EIF3H: variants seen among roughly 807,000 people sequenced by gnomAD.
The protein encoded by EIF3H is eukaryotic translation initiation factor 3 subunit H.
A neutral mutation model predicts 44.2 loss-of-function variants in EIF3H; 26 were observed. The ratio of observed to expected loss-of-function variants is 0.59; its 90% confidence interval spans 0.43 to 0.82. The LOEUF (loss-of-function observed/expected upper bound fraction) is 0.82. Ranked by LOEUF, EIF3H falls within the 40% of genes least tolerant of loss-of-function variation. The pLI, the probability that EIF3H is intolerant of heterozygous loss-of-function variation, is 0.00. For missense variants in EIF3H, 359 were observed against 432.8 expected, an observed-to-expected ratio of 0.83 and a Z score of 1.51; for synonymous variants, 166 against 151.9, an observed-to-expected ratio of 1.09 and a Z score of -0.68.
At position 116,643,007 on chromosome 8, in the gene EIF3H, C is replaced by T. The variant is rs1813246834; in HGVS notation, c.*1999G>A. 6.6e-6 allele frequency: 1 copy of T among 152,142 alleles called. No individual in the cohort carries two copies. The highest frequency in any genetic ancestry group is 2.4e-5 in the African/African-American group (1 of 41,412). The allele number at this position is 152,142 out of a possible 1,614,324, so 9.4% of individuals were successfully genotyped here. On this transcript the variant is annotated 3_prime_UTR_variant, in exon 8 of 8. Coordinates refer to ENST00000521861, the MANE Select transcript of EIF3H (RefSeq NM_003756.3). ...TGACTCAGTTAAATTACTCTTAATC[C>T]TAAAAAATACATAAGTTATGTTCCA...
In EIF3H at chr8:116,653,348, A is replaced by AACACACAC. The variant is rs771922316; in HGVS notation, c.707+2500_707+2507dup. ...GCTCTTCAGAAAAAAAACAATCAGAAACACACACACACACACACACACAAT... is the reference window on the plus strand; with the variant it reads ...GCTCTTCAGAAAAAAAACAATCAGAAACACACACACACACACACACACACACACACAAT... On this transcript the variant is annotated intron_variant, in intron 5 of 7. Transcript: ENST00000521861. 4.4e-3 allele frequency among the ~76,000 whole-genome samples: 635 copies of AACACACAC among 144,648 alleles called. 2 individuals are homozygous for AACACACAC. The highest frequency in any genetic ancestry group is 0.011 in the African/African-American group (422 of 38,024). 94.9% of individuals were successfully genotyped at this position (144,648 alleles called of 152,430 possible).
chr8:116,655,149 T>A (rs1813468375), intron 5 of EIF3H, among the ~76,000 whole-genome samples: 1 of 151,918 alleles, frequency 6.6e-6, no homozygotes, highest in Non-Finnish European at 1.5e-5. Flanking sequence ...GAGCTATACA[T>A]GTGGCTCTAT....
At chr8:116,722,624 C>A (rs1315019973) in intron 2 of EIF3H, among the ~76,000 whole-genome samples, 1 of 152,132 alleles carries the variant, frequency 6.6e-6, no homozygotes, top group Non-Finnish European at 1.5e-5. Flanking sequence ...CAAATAGCAG[C>A]ATGTAGTGCT....
At chr8:116,677,209 C>A (rs1209395612) in intron 2 of EIF3H, among the ~76,000 whole-genome samples, 1 of 152,118 alleles carries the variant, frequency 6.6e-6, no homozygotes. Flanking sequence ...GAAAAATACT[C>A]TGTGCAAAAA....
At chr8:116,676,094 T>C (rs1310226100) in intron 2 of EIF3H, among the ~76,000 whole-genome samples, 2 of 152,220 alleles carry the variant, frequency 1.3e-5, no homozygotes, top group African/African-American at 2.4e-5. Context: ...CCCCAGAACA[T>C]GCAGGAACCT....
At chr8:116,743,694 G>C (rs1002030658) in intron 1 of EIF3H, among the ~76,000 whole-genome samples, 1 of 150,220 alleles carries the variant, frequency 6.7e-6, no homozygotes, top group Non-Finnish European at 1.5e-5. Context: ...AGAGGTGGAG[G>C]CTGCAGCGAG....
intron 1 of EIF3H, among the ~76,000 whole-genome samples, chr8:116,764,513 G>C (rs1815548546): frequency 6.6e-6 from 1 of 152,162 alleles, no homozygotes; most frequent in South Asian, 2.1e-4. Flanking sequence ...GATTTGGGGA[G>C]ATTGTAATAA....
chr8:116,738,799 C>T (rs1265658736), intron 1 of EIF3H, among the ~76,000 whole-genome samples: 1 of 152,224 alleles, frequency 6.6e-6, no homozygotes, highest in Non-Finnish European at 1.5e-5. Flanking sequence ...AGGTTACAAC[C>T]TGTTCATCTT....
rs774059962 is a variant in EIF3H, at chr8:116,739,523, G to A, written c.133-13351C>T. Among the ~76,000 whole-genome samples, 16 of 152,320 alleles carry A rather than the reference G, an allele frequency of 1.1e-4. No homozygotes were observed. The East Asian group carries it at 2.9e-3, about 28-fold the overall frequency. On this transcript the variant is annotated intron_variant, in intron 1 of 7. Coordinates refer to ENST00000521861, the MANE Select transcript of EIF3H (RefSeq NM_003756.3). ...AAATTAGCCGGGCGTGGTGATGGGC[G>A]CCTGCAGTCCCAGCTACTCGGGAGG...
chr8:116,705,418 A>G (rs1814451669), intron 2 of EIF3H, among the ~76,000 whole-genome samples: 1 of 151,970 alleles, frequency 6.6e-6, no homozygotes, highest in Non-Finnish European at 1.5e-5. Context: ...TAACTCAGAA[A>G]GACATTAGAC....
intron 5 of EIF3H, 89 bp from the exon 6 acceptor site, chr8:116,649,015 C>T: frequency 8.6e-7 from 1 of 1,168,144 alleles, no homozygotes; most frequent in Non-Finnish European, 1.2e-6. Context: ...TGAACTTGAA[C>T]TGGCTTTTGC....
At chr8:116,663,706 G>A (rs1586439066) in intron 2 of EIF3H, among the ~76,000 whole-genome samples, 2 of 152,224 alleles carry the variant, frequency 1.3e-5, no homozygotes, top group African/African-American at 2.4e-5. Flanking sequence ...TGAGGCAGGT[G>A]GATCACTTGA....
rs1563663005 is a variant in EIF3H, at chr8:116,752,723, AG to A, written c.132+2942del. On this transcript the variant is annotated intron_variant, in intron 1 of 7. Coordinates refer to ENST00000521861, the MANE Select transcript of EIF3H (RefSeq NM_003756.3). Reference sequence around the variant, plus strand: ...AAGAAAGAAAGAAAGAAAGAAAGAAAGAAAGAAAGAAGAGAAAGAAAGAAAG... The same window carrying A: ...AAGAAAGAAAGAAAGAAAGAAAGAAAAAAGAAAGAAGAGAAAGAAAGAAAG... Among the ~76,000 whole-genome samples, 6 of 106,468 alleles carry A rather than the reference AG, an allele frequency of 5.6e-5. No individual in the cohort carries two copies. In the East Asian group the frequency reaches 1.0e-3, roughly 18 times the overall value. The allele number at this position is 106,468 out of a possible 152,430, so 69.8% of individuals were successfully genotyped here.
At chr8:116,660,697 C>T (rs1000454999) in intron 2 of EIF3H, among the ~76,000 whole-genome samples, 2 of 152,050 alleles carry the variant, frequency 1.3e-5, no homozygotes, top group Admixed American at 1.3e-4. Context: ...AAAGTGGGCT[C>T]ATTTATTCAT....
At chr8:116,752,781 G>C (rs1176969061) in intron 1 of EIF3H, among the ~76,000 whole-genome samples, 1 of 63,562 alleles carries the variant, frequency 1.6e-5, no homozygotes, top group East Asian at 4.5e-4. Context: ...GGGAGGGAGG[G>C]AGGGAGGGAG....
intron 2 of EIF3H, among the ~76,000 whole-genome samples, chr8:116,722,321 G>A (rs1814761900): frequency 6.6e-6 from 1 of 152,166 alleles, no homozygotes; most frequent in African/African-American, 2.4e-5. Flanking sequence ...TCCCAGCCAT[G>A]TGGAACTGTG....
chr8:116,700,533 A>G lies in EIF3H; in HGVS notation c.289+25483T>C, dbSNP rs557933868. On this transcript the variant is annotated intron_variant, in intron 2 of 7. Transcript: ENST00000521861. ...CCAAAAGATGGAACGTCTCTGTCCT[A>G]AAGTCTTCAAGTTATTAAGGGAAAA... is the stretch of plus-strand genomic sequence containing the variant. Among the ~76,000 whole-genome samples, 28 of 152,290 alleles carry G rather than the reference A, an allele frequency of 1.8e-4. 1 individual carries two copies. Among genetic ancestry groups the G allele is most frequent in the Admixed American group, 1.8e-3 (28 of 15,300 alleles).
chr8:116,755,825 A>C (rs200811829), upstream of EIF3H: 116 of 1,610,172 alleles, frequency 7.2e-5, no homozygotes, highest in Middle Eastern at 3.3e-4. Flanking sequence ...AAGAAAGAGA[A>C]ACGTGAGTTA....
chr8:116,691,810 T>C (rs1447819454), intron 2 of EIF3H, among the ~76,000 whole-genome samples: 1 of 146,076 alleles, frequency 6.8e-6, no homozygotes, highest in African/African-American at 2.6e-5. Context: ...AGGCGGAGGA[T>C]GCAGCAAGCA....
Sources: gnomAD v4.1 joint callset for allele counts (sites outside exome capture counted in the v4.1 genomes callset) on GRCh38, gnomAD v4.1.1 for gene constraint, MANE v1.5 for transcripts, NCBI Gene and HGNC (gene_info 2026-07-23, HGNC 2026-07-21) for gene names.